The following OR14A16 variants were observed in gnomAD, a reference collection of about 807,000 sequenced individuals.
OR14A16 encodes the protein olfactory receptor 14A16.
For synonymous variants in OR14A16, 135 were observed against 137.6 expected, an observed-to-expected ratio of 0.98 and a Z score of 0.13; for missense variants, 341 against 366.5, an observed-to-expected ratio of 0.93 and a Z score of 0.57.
rs749856984 is a variant in OR14A16 at position 247,815,310 on chromosome 1, G to C, written c.420C>G (p.Val140=). 2 of 1,613,962 alleles carry C rather than the reference G, an allele frequency of 1.2e-6. No individual in the cohort carries two copies. Among genetic ancestry groups the C allele is most frequent in the African/African-American group, 2.7e-5 (2 of 74,902 alleles). The change falls in exon 3 of 3, where the codon GTC becomes GTG. Residue 140 remains valine (V), a synonymous_variant. Transcript: ENST00000641093. The part of the protein sequence containing the change: ...YDVIMDRSTC[V]QRATVSWLYG... The stretch of plus-strand genomic sequence containing the variant: ...ACAGCCAAGACACAGTGGCTCTTTG[G>C]ACACAGGTGCTCCTGTCCATGATGA...
Position 247,815,237 on chromosome 1 carries a change from A to T in OR14A16, c.493T>A (p.Ser165Thr), listed in dbSNP as rs1558334049. The change falls in exon 3 of 3, where the codon TCC becomes ACC. Residue 165 changes from serine (S) to threonine (T), a missense_variant. Ser to Thr is a moderately conservative substitution (Grantham distance 58). Coordinates refer to ENST00000641093, the MANE Select transcript of OR14A16 (RefSeq NM_001001966.2). ...TGGACCATGTTGGACCCACAGTAGG[A>T]TAAGGAGAAGGTGCCAGCTGTGTGC... is the stretch of plus-strand genomic sequence containing the variant. ...VMHTAGTFSL[S>T]YCGSNMVHQF... The T allele has an allele frequency of 6.6e-7, 1 of 1,523,938 alleles. No homozygotes were observed. The highest frequency in any genetic ancestry group is 2.5e-5 in the East Asian group (1 of 39,860). The allele number at this position is 1,523,938 out of a possible 1,614,324, so 94.4% of individuals were successfully genotyped here. A position where few individuals can be genotyped will look rare whatever the true frequency, so the allele number is the denominator to read the frequency against.
At chr1:247,820,752 G>C (rs12124029) in intron 1 of OR14A16, among the ~76,000 whole-genome samples, 22,178 of 151,636 alleles carry the variant, frequency 0.15, 1,891 homozygotes, top group Non-Finnish European at 0.19. Context: ...CCCAGCTACT[G>C]GGGAGGCTGA....
intron 2 of OR14A16, among the ~76,000 whole-genome samples, chr1:247,816,514 G>A (rs537007624): frequency 2.6e-5 from 4 of 152,238 alleles, no homozygotes; most frequent in East Asian, 1.9e-4. Flanking sequence ...ATCGCCTGAC[G>A]TCAGGAGTTC....
chr1:247,817,039 A>T (rs4620576), intron 2 of OR14A16, among the ~76,000 whole-genome samples: 125,756 of 152,160 alleles, frequency 0.83, 54,067 homozygotes, highest in East Asian at 1. Flanking sequence ...CAAAATTCAG[A>T]TGGTCTTACT....
Position 247,815,189 on chromosome 1 carries a change from G to T in OR14A16, c.541C>A (p.Gln181Lys). Residue 181 changes from glutamine (Q) to lysine (K), a missense_variant, in exon 3 of 3, where the codon CAG (glutamine) becomes AAG (lysine). By Grantham distance (53) the Gln-to-Lys change is moderately conservative. Transcript: ENST00000641093. Reference protein sequence around the residue: ...MVHQFFCDIPQLLAISCSENL... With the variant: ...MVHQFFCDIPKLLAISCSENL... ...TCTGAGCAAGAAATAGCTAATAACTGGGGAATGTCACAGAAGAACTGATGG... is the reference window on the plus strand; with the variant it reads ...TCTGAGCAAGAAATAGCTAATAACTTGGGAATGTCACAGAAGAACTGATGG... The T allele has an allele frequency of 6.2e-7, 1 of 1,613,798 alleles. No homozygotes were observed. The highest frequency in any genetic ancestry group is 8.5e-7 in the Non-Finnish European group (1 of 1,179,718).
chr1:247,815,840 C>T (rs893647840), intron 2 of OR14A16, 96 bp from the exon 3 acceptor site: 6 of 558,978 alleles, frequency 1.1e-5, no homozygotes, highest in Non-Finnish European at 1.8e-5. Context: ...TACTGAAACA[C>T]ACACACGTAC....
chr1:247,814,743 T>A lies in OR14A16; in HGVS notation c.*57A>T. 1 of 798,788 alleles carries A rather than the reference T, an allele frequency of 1.3e-6. No homozygotes were observed. The highest frequency in any genetic ancestry group is 1.8e-6 in the Non-Finnish European group (1 of 549,198). 49.5% of individuals were successfully genotyped at this position (798,788 alleles called of 1,614,324 possible). On this transcript the variant is annotated 3_prime_UTR_variant, in exon 3 of 3. Transcript: ENST00000641093. ...AAGAATTAGAGATAAAAATGAAGAATTAATGTGTGTACATTATAAATGGTA... is the reference window on the plus strand; with the variant it reads ...AAGAATTAGAGATAAAAATGAAGAAATAATGTGTGTACATTATAAATGGTA...
chr1:247,815,860 G>T, intron 2 of OR14A16, 116 bp from the exon 3 acceptor site: 2 of 485,988 alleles, frequency 4.1e-6, no homozygotes, highest in Non-Finnish European at 7.1e-6. Context: ...CCACACGTAT[G>T]GTAATTCCAT....
At chr1:247,816,596 C>T (rs1177411388) in intron 2 of OR14A16, among the ~76,000 whole-genome samples, 3 of 152,078 alleles carry the variant, frequency 2.0e-5, no homozygotes, top group African/African-American at 4.8e-5. Context: ...GGTGTGGTGG[C>T]GGGCACCTAT....
chr1:247,818,798 C>T (rs937761794), intron 2 of OR14A16, among the ~76,000 whole-genome samples: 1 of 152,014 alleles, frequency 6.6e-6, no homozygotes, highest in African/African-American at 2.4e-5. Flanking sequence ...ATTTGATACA[C>T]AACGAGGTGA....
chr1:247,814,927 T>A lies in OR14A16; in HGVS notation c.803A>T (p.Asp268Val). The A allele has an allele frequency of 1.9e-6, 3 of 1,613,748 alleles. No individual in the cohort carries two copies. The East Asian group carries it at 6.7e-5, about 36-fold the overall frequency. The change falls in exon 3 of 3, where the codon GAT (aspartate) becomes GTT (valine). Residue 268 changes from aspartate (D) to valine (V), a missense_variant. Physicochemically the swap from Asp to Val is radical, Grantham distance 152. Coordinates refer to ENST00000641093, the MANE Select transcript of OR14A16 (RefSeq NM_001001966.2). Reference sequence around the variant, plus strand: ...AGTGTAGAACACAGAAATTACAGCATCCAAAATAGAAGGAGACTCTGAAGC... The same window carrying A: ...AGTGTAGAACACAGAAATTACAGCAACCAAAATAGAAGGAGACTCTGAAGC... Reference protein sequence around the residue: ...KPASESPSILDAVISVFYTML... With the variant: ...KPASESPSILVAVISVFYTML...
intron 1 of OR14A16, among the ~76,000 whole-genome samples, 151 bp from the exon 2 acceptor site, chr1:247,819,328 T>C (rs12032684): frequency 0.84 from 127,299 of 151,816 alleles, 55,105 homozygotes; most frequent in East Asian, 1. Flanking sequence ...GCGAGTAATA[T>C]CATGAAGAAC....
rs760284306 is a variant in OR14A16, at chr1:247,815,541, AT to A, written c.188del (p.Asn63IlefsTer22). 1 of 1,614,060 alleles carries A rather than the reference AT, an allele frequency of 6.2e-7. No individual in the cohort carries two copies. Among genetic ancestry groups the A allele is most frequent in the South Asian group, 1.1e-5 (1 of 91,080 alleles). ...LHTPVYFFLK[N>X]LSFLDLCLIS... ...TAAGGCAGAGATCCAAGAAAGATAG[AT>A]TCTTCAAGAAGAAATACACGGGGGT... On this transcript the variant is annotated frameshift_variant, in exon 3 of 3. Coordinates refer to ENST00000641093, the MANE Select transcript of OR14A16 (RefSeq NM_001001966.2). LOFTEE classifies it low-confidence loss of function (END_TRUNC).
Position 247,815,059 on chromosome 1 carries a change from T to C in OR14A16, c.671A>G (p.Lys224Arg). 3 of 1,613,916 alleles carry C rather than the reference T, an allele frequency of 1.9e-6. No individual in the cohort carries two copies. The highest frequency in any genetic ancestry group is 1.1e-5 in the South Asian group (1 of 91,084). Residue 224 changes from lysine (K) to arginine (R), a missense_variant, in exon 3 of 3, where the codon AAG (lysine) becomes AGG (arginine). Lys to Arg is a conservative substitution (Grantham distance 26, BLOSUM62 2). Coordinates refer to ENST00000641093, the MANE Select transcript of OR14A16 (RefSeq NM_001001966.2). ...CTGGCCTTCTGTGGAAGGGATCTTC[T>C]TGACTGTAGAGAAGACGTGGACATA... Reference protein sequence around the residue: ...ITYVHVFSTVKKIPSTEGQSK... With the variant: ...ITYVHVFSTVRKIPSTEGQSK...
rs1172825331 is a variant in OR14A16 at position 247,814,958 on chromosome 1, T to G, written c.772A>C (p.Lys258Gln). 3 of 1,613,828 alleles carry G rather than the reference T, an allele frequency of 1.9e-6. No homozygotes were observed. Among genetic ancestry groups the G allele is most frequent in the African/African-American group, 1.3e-5 (1 of 74,866 alleles). ...ATAGAAGGAGACTCTGAAGCTGGCT[T>G]CAGATAAGCAATGAATCCAGTGGAA... ...FLSTGFIAYLKPASESPSILD... is the reference protein window; with the variant it reads ...FLSTGFIAYLQPASESPSILD... Residue 258 changes from lysine (K) to glutamine (Q), a missense_variant, in exon 3 of 3, where the codon AAG becomes CAG. Transcript: ENST00000641093.
intron 1 of OR14A16, among the ~76,000 whole-genome samples, chr1:247,823,139 A>C (rs1409327994): frequency 6.6e-6 from 1 of 152,108 alleles, no homozygotes; most frequent in Admixed American, 6.6e-5. Flanking sequence ...TTTTACCAGG[A>C]GTTGGAGTAA....
At position 247,814,819 on chromosome 1, in the gene OR14A16, C is replaced by T. The variant is rs765340946; in HGVS notation, c.911G>A (p.Gly304Glu). ...IKVALGMLIK[G>E]KLTKK Reference sequence around the variant, plus strand: ...CAGCTTTTACTTTTTGGTGAGCTTTCCCTTTATCAACATCCCCAGAGCCAC... The same window carrying T: ...CAGCTTTTACTTTTTGGTGAGCTTTTCCTTTATCAACATCCCCAGAGCCAC... The change falls in exon 3 of 3, where the codon GGA becomes GAA. Residue 304 changes from glycine to glutamate, a missense_variant. Physicochemically the swap from Gly to Glu is moderately conservative, Grantham distance 98 (BLOSUM62 -2). Transcript: ENST00000641093. 8 of 1,563,936 alleles carry T rather than the reference C, an allele frequency of 5.1e-6. No homozygotes were observed. Among genetic ancestry groups the T allele is most frequent in the Non-Finnish European group, 6.9e-6 (8 of 1,161,114 alleles).
rs10888249 is a variant in OR14A16 at position 247,815,694 on chromosome 1, A to G, written c.36T>C (p.Leu12=). The G allele has an allele frequency of 0.92, 1,475,634 of 1,605,988 alleles. 682,757 individuals carry two copies. The highest frequency in any genetic ancestry group is 1 in the East Asian group (44,780 of 44,790). Residue 12 remains leucine, a synonymous_variant, in exon 3 of 3, where the codon CTT becomes CTC. Coordinates refer to ENST00000641093, the MANE Select transcript of OR14A16 (RefSeq NM_001001966.2). ...TATTTTTATTGGTAGAAAACCCCATAAGGATAAATTCAGTCACGATTGTGA... is the reference window on the plus strand; with the variant it reads ...TATTTTTATTGGTAGAAAACCCCATGAGGATAAATTCAGTCACGATTGTGA... ...ANLTIVTEFI[L]MGFSTNKNMC... is the part of the protein sequence containing the mutation.
chr1:247,821,064 A>G (rs775738896), intron 1 of OR14A16, among the ~76,000 whole-genome samples: 4 of 152,156 alleles, frequency 2.6e-5, no homozygotes, highest in Non-Finnish European at 4.4e-5. Context: ...CATATTTGTG[A>G]AGTTTTCTGA....
Sources: allele counts gnomAD v4.1 joint callset (sites outside exome capture counted in the v4.1 genomes callset), GRCh38; gene constraint gnomAD v4.1.1; transcripts MANE v1.5; gene names NCBI Gene and HGNC (gene_info 2026-07-23, HGNC 2026-07-21).